Variants in ABCC8 observed in about 807,000 individuals in gnomAD.
ABCC8 encodes the protein ATP binding cassette subfamily C member 8.
Under a neutral mutation model 188.0 loss-of-function variants are expected in ABCC8, and 137 were observed. The ratio of observed to expected loss-of-function variants is 0.73; its 90% confidence interval spans 0.63 to 0.84. ABCC8 has a LOEUF of 0.84. Among genes scored for constraint, ABCC8 ranks in the 40% least tolerant of loss-of-function variants. The pLI, the probability that ABCC8 is intolerant of heterozygous loss-of-function variation, is 0.00. For missense variants in ABCC8, 1,750 were observed against 2,072.7 expected (o/e 0.84, Z 3.02); for synonymous variants, 797 against 846.5 (o/e 0.94, Z 1.01).
Position 17,407,032 on chromosome 11 carries a change from G to A in ABCC8, c.3018C>T (p.Ser1006=), listed in dbSNP as rs149279510. The change falls in exon 25 of 39, where the codon TCC becomes TCT. Residue 1006 remains serine, a synonymous_variant. Coordinates refer to ENST00000389817, the MANE Select transcript of ABCC8 (RefSeq NM_000352.6). ...GCAACGACAGGAGCAGGATGCCGGC[G>A]GAGGACAGGTACTTGGCGCAGGCTC... ...PWRACAKYLS[S]AGILLLSLLV... The A allele has an allele frequency of 2.8e-5, 45 of 1,614,062 alleles. No homozygotes were observed. The highest frequency in any genetic ancestry group is 6.7e-5 in the African/African-American group (5 of 74,944).
intron 7 of ABCC8, 152 bp from the exon 8 acceptor site, chr11:17,448,823 C>T (rs1239773706): frequency 4.1e-6 from 5 of 1,224,430 alleles, no homozygotes; most frequent in Non-Finnish European, 5.9e-6. Flanking sequence ...ATCACCGTTC[C>T]AACTTACTAG....
intron 10 of ABCC8, among the ~76,000 whole-genome samples, chr11:17,439,713 C>G (rs1016884301): frequency 7.2e-5 from 11 of 152,346 alleles, no homozygotes; most frequent in African/African-American, 2.6e-4. Context: ...TCCCCTTTCC[C>G]CTCCTCCGCT....
Position 17,474,925 on chromosome 11 carries a change from A to T in ABCC8, c.251T>A (p.Val84Asp). The T allele has an allele frequency of 6.2e-7, 1 of 1,614,224 alleles. No homozygotes were observed. The highest frequency in any genetic ancestry group is 8.5e-7 in the Non-Finnish European group (1 of 1,180,046). The change falls in exon 2 of 39, where the codon GTC becomes GAC. Residue 84 changes from valine (V) to aspartate (D), a missense_variant. Transcript: ENST00000389817. ...RWILTFMLLF[V>D]LVCEIAEGIL... ...GCCCTCTGCAATCTCACACACCAGG[A>T]CGAAGAGCAGCATGAAGGTCAGGAT...
chr11:17,396,928 G>A lies in ABCC8; in HGVS notation c.4107C>T (p.Ala1369=). ...CCCGTGCTCTGACCTTCTGTCCAGGGGCGATGAGGGCATTGACGTGCTTCA... is the reference window on the plus strand; with the variant it reads ...CCCGTGCTCTGACCTTCTGTCCAGGAGCGATGAGGGCATTGACGTGCTTCA... ...PVLKHVNALI[A]PGQKIGICGR... The change falls in exon 33 of 39, where the codon GCC becomes GCT. Residue 1369 remains alanine (A), a synonymous_variant. Transcript: ENST00000389817. The A allele has an allele frequency of 2.5e-6, 4 of 1,614,152 alleles. No homozygotes were observed. Among genetic ancestry groups the A allele is most frequent in the South Asian group, 1.1e-5 (1 of 91,088 alleles).
intron 19 of ABCC8, among the ~76,000 whole-genome samples, chr11:17,414,106 A>C (rs1216905947): frequency 6.6e-6 from 1 of 152,204 alleles, no homozygotes; most frequent in African/African-American, 2.4e-5. Context: ...GCATGAGAGG[A>C]AATTCCGTGT....
chr11:17,411,928 T>C (rs1954825920), intron 21 of ABCC8, among the ~76,000 whole-genome samples: 1 of 150,786 alleles, frequency 6.6e-6, no homozygotes, highest in African/African-American at 2.5e-5. Context: ...AAGTCTCGGT[T>C]TGTCCCCAGG....
At chr11:17,415,872 T>C (rs1265906167) in intron 17 of ABCC8, among the ~76,000 whole-genome samples, 1 of 152,108 alleles carries the variant, frequency 6.6e-6, no homozygotes, top group Non-Finnish European at 1.5e-5. Flanking sequence ...TATGGCCCCA[T>C]CAGAAGACAA....
chr11:17,421,392 GGA>G (rs1478049798), intron 16 of ABCC8, among the ~76,000 whole-genome samples: 1 of 152,236 alleles, frequency 6.6e-6, no homozygotes, highest in Admixed American at 6.5e-5. Flanking sequence ...CATGTGGAAA[GGA>G]GAGAGATGTC....
chr11:17,463,592 T>C lies in ABCC8; in HGVS notation c.425A>G (p.Tyr142Cys). ...FPKLLIALLV[Y>C]WTLAFITKTI... ...CTTGGTGATGAAGGCCAGGGTCCAA[T>C]ACACCAGCAGGGCTGCCGAGGAGAG... The change falls in exon 4 of 39, where the codon TAT (tyrosine) becomes TGT (cysteine). Residue 142 changes from tyrosine (Y) to cysteine (C), a missense_variant. By Grantham distance (194) the Tyr-to-Cys change is radical (BLOSUM62 -2). Transcript: ENST00000389817. 1.3e-6 allele frequency: 2 copies of C among 1,582,040 alleles called. No individual in the cohort carries two copies. The highest frequency in any genetic ancestry group is 1.7e-6 in the Non-Finnish European group (2 of 1,163,594).
chr11:17,430,975 C>A lies in ABCC8; in HGVS notation c.1672-16G>T. ...CCACGAAAGTCTGTGGACAGAGGCACAAGTGAGGCCAGGGTGGCCCAGGGT... is the reference window on the plus strand; with the variant it reads ...CCACGAAAGTCTGTGGACAGAGGCAAAAGTGAGGCCAGGGTGGCCCAGGGT... On this transcript the variant is annotated splice_polypyrimidine_tract_variant and intron_variant, in intron 11 of 38. Coordinates refer to ENST00000389817, the MANE Select transcript of ABCC8 (RefSeq NM_000352.6). The A allele has an allele frequency of 6.2e-7, 1 of 1,613,402 alleles. No individual in the cohort carries two copies. Among genetic ancestry groups the A allele is most frequent in the African/African-American group, 1.3e-5 (1 of 75,048 alleles).
Position 17,394,278 on chromosome 11 carries a change from A to C in ABCC8, c.4533T>G (p.Ile1511Met). Residue 1511 changes from isoleucine to methionine, a missense_variant, in exon 37 of 39, where the codon ATT becomes ATG. By Grantham distance (10) the Ile-to-Met change is conservative. Coordinates refer to ENST00000389817, the MANE Select transcript of ABCC8 (RefSeq NM_000352.6). ...GCCCAGGACCAACCGTGGCCATGTC[A>C]ATGGAAGCCGTGGCCTCGTCCATGA... ...IFIMDEATAS[I>M]DMATENILQK... is the part of the protein sequence containing the mutation. 6.2e-7 allele frequency: 1 copy of C among 1,613,936 alleles called. No individual in the cohort carries two copies.
rs778750377 is a variant in ABCC8 at position 17,453,194 on chromosome 11, T to A, written c.1101A>T (p.Leu367=). ...VLAVLLFLAL[L]LQRTFLQASY... Reference sequence around the variant, plus strand: ...ATGCTTGCAGAAATGTCCTTTGCAGTAGGAGGGCAAGGAACAGAAGCACAG... The same window carrying A: ...ATGCTTGCAGAAATGTCCTTTGCAGAAGGAGGGCAAGGAACAGAAGCACAG... The change falls in exon 7 of 39, where the codon CTA becomes CTT. Residue 367 remains leucine (L), a synonymous_variant. Transcript: ENST00000389817. 4 of 1,613,878 alleles carry A rather than the reference T, an allele frequency of 2.5e-6. No homozygotes were observed. In the Admixed American group the frequency reaches 6.7e-5, roughly 27 times the overall value.
chr11:17,394,260 A>G lies in ABCC8; in HGVS notation c.4545+6T>C. On this transcript the variant is annotated splice_donor_region_variant and intron_variant, in intron 37 of 38. Transcript: ENST00000389817. ...CCATGGTCCCATGGAGGGGCCCAGG[A>G]CCAACCGTGGCCATGTCAATGGAAG... 1 of 1,613,666 alleles carries G rather than the reference A, an allele frequency of 6.2e-7. No homozygotes were observed. The highest frequency in any genetic ancestry group is 8.5e-7 in the Non-Finnish European group (1 of 1,179,922).
intron 37 of ABCC8, among the ~76,000 whole-genome samples, 156 bp downstream of exon 37, chr11:17,394,110 A>T (rs551452786): frequency 6.6e-6 from 1 of 152,250 alleles, no homozygotes; most frequent in African/African-American, 2.4e-5. Context: ...GACTAGACAG[A>T]GTCAGGGTCC....
chr11:17,428,072 G>T lies in ABCC8; in HGVS notation c.2041-130C>A, dbSNP rs539080076. 153 of 1,588,728 alleles carry T rather than the reference G, an allele frequency of 9.6e-5. 3 individuals are homozygous for T. The South Asian group carries it at 1.6e-3, about 17-fold the overall frequency. ...TTCCAGCCCCTGGATCACTTCCAGA[G>T]CAGGGGAGTGGGAGACTGGCCTTCT... is the stretch of plus-strand genomic sequence containing the variant. On this transcript the variant is annotated intron_variant, in intron 14 of 38. Transcript: ENST00000389817.
At chr11:17,475,058 C>G in intron 1 of ABCC8, 31 bp from the exon 2 acceptor site, 1 of 1,613,540 alleles carries the variant, frequency 6.2e-7, no homozygotes. Context: ...AGGCAGGATG[C>G]CTGCCCACTT....
chr11:17,455,353 T>C (rs1956954058), intron 6 of ABCC8, among the ~76,000 whole-genome samples: 1 of 152,194 alleles, frequency 6.6e-6, no homozygotes, highest in Non-Finnish European at 1.5e-5. Context: ...ATCATGTTTG[T>C]TCGTTAGACT....
chr11:17,432,168 C>T, intron 11 of ABCC8, 36 bp downstream of exon 11: 1 of 1,551,894 alleles, frequency 6.4e-7, no homozygotes, highest in Non-Finnish European at 8.7e-7. Context: ...TCCCCCTCCA[C>T]CCTACCCCCA....
At chr11:17,394,077 T>C (rs1053279133) in intron 37 of ABCC8, among the ~76,000 whole-genome samples, 189 bp downstream of exon 37, 1 of 152,126 alleles carries the variant, frequency 6.6e-6, no homozygotes. Context: ...TGTGTGTGCG[T>C]GTGTGTGTGT....
Sources: allele counts gnomAD v4.1 joint callset (sites outside exome capture counted in the v4.1 genomes callset), GRCh38; gene constraint gnomAD v4.1.1; transcripts MANE v1.5; gene names NCBI Gene and HGNC (gene_info 2026-07-23, HGNC 2026-07-21).